Variants in ADAM10 observed in about 807,000 individuals in gnomAD.
ADAM10 encodes the protein ADAM metallopeptidase domain 10.
A neutral mutation model predicts 90.1 loss-of-function variants in ADAM10; 17 were observed. The observed-to-expected ratio is 0.19, with a 90% CI of 0.13 to 0.28. The LOEUF is 0.28. Among genes scored for constraint, ADAM10 ranks in the 10% least tolerant of loss-of-function variants. The pLI is 1.00. For synonymous variants in ADAM10, 310 were observed against 298.6 expected (o/e 1.04, Z -0.40); for missense variants, 610 against 914.3 (o/e 0.67, Z 4.29).
chr15:58,655,696 GTATATATATATATAGTATATATATA>G lies in ADAM10; in HGVS notation c.585+9376_585+9400del, dbSNP rs1316694469. Among the ~76,000 whole-genome samples, 95 of 68,256 alleles carry G rather than the reference GTATATATATATATAGTATATATATA, an allele frequency of 1.4e-3. 5 individuals are homozygous for G. The highest frequency in any genetic ancestry group is 6.7e-3 in the African/African-American group (84 of 12,612). The allele number at this position is 68,256 out of a possible 152,430, so 44.8% of individuals were successfully genotyped here. ...TACATACATATATATATTATATATA[GTATATATATATATAGTATATATATA>G]TATATATATATATATATATTCTTTT... On this transcript the variant is annotated intron_variant, in intron 5 of 15. Transcript: ENST00000260408.
At chr15:58,643,861 G>T in intron 7 of ADAM10, 25 bp downstream of exon 7, 1 of 1,535,868 alleles carries the variant, frequency 6.5e-7, no homozygotes, top group Non-Finnish European at 9.0e-7. Context: ...CTTTTTAAGT[G>T]TTTTTAACTA....
At position 58,633,092 on chromosome 15, in the gene ADAM10, C is replaced by T. The variant is rs1013765870; in HGVS notation, c.1176+104G>A. ...ACTGTGCTCTGACATAAAAACTAAA[C>T]ACTCGTAAGTACATTTGTTTTCACG... On this transcript the variant is annotated intron_variant, in intron 9 of 15. Coordinates refer to ENST00000260408, the MANE Select transcript of ADAM10 (RefSeq NM_001110.4). The T allele has an allele frequency of 1.3e-5, 14 of 1,112,092 alleles. No homozygotes were observed. The Middle Eastern group carries it at 9.3e-4, about 74-fold the overall frequency. The allele number at this position is 1,112,092 out of a possible 1,614,324, so 68.9% of individuals were successfully genotyped here. A position where few individuals can be genotyped will look rare whatever the true frequency, so the allele number is the denominator to read the frequency against.
rs1479474858 is a variant in ADAM10 at position 58,682,292 on chromosome 15, T to C, written c.229A>G (p.Arg77Gly). The part of the protein sequence containing the change: ...HGRHFNLRMK[R>G]DTSLFSDEFK... The stretch of plus-strand genomic sequence containing the variant: ...TCATCACTGAAAAGGGAAGTGTCCC[T>C]CTTCATTCGTAGGTTGAAATGTCTG... Residue 77 changes from arginine (R) to glycine (G), a missense_variant, in exon 3 of 16, where the codon AGG (arginine) becomes GGG (glycine). Arg to Gly is a moderately radical substitution (Grantham distance 125, BLOSUM62 -2). Around this residue, in one of 4 missense-constraint regions of ADAM10, gnomAD observed 310 missense variants for 362.4 expected, o/e 0.86. Coordinates refer to ENST00000260408, the MANE Select transcript of ADAM10 (RefSeq NM_001110.4). 1 of 1,612,910 alleles carries C rather than the reference T, an allele frequency of 6.2e-7. No individual in the cohort carries two copies. The highest frequency in any genetic ancestry group is 1.1e-5 in the South Asian group (1 of 90,868).
chr15:58,731,733 AGTG>A (rs1306001007), intron 1 of ADAM10, among the ~76,000 whole-genome samples: 2 of 152,226 alleles, frequency 1.3e-5, no homozygotes, highest in African/African-American at 4.8e-5. Flanking sequence ...ACTGGTATGG[AGTG>A]GAGGATGAAC....
At chr15:58,620,830 G>A (rs1364537017) in intron 11 of ADAM10, among the ~76,000 whole-genome samples, 1 of 85,562 alleles carries the variant, frequency 1.2e-5, no homozygotes, top group Non-Finnish European at 1.9e-5. Flanking sequence ...CACCGCGCCC[G>A]GCTAATTTTT....
At chr15:58,746,241 CA>C (rs1184852744) in intron 1 of ADAM10, among the ~76,000 whole-genome samples, 2 of 152,180 alleles carry the variant, frequency 1.3e-5, no homozygotes, top group African/African-American at 4.8e-5. Context: ...ACTCCTAACA[CA>C]GTATTAGACA....
intron 11 of ADAM10, among the ~76,000 whole-genome samples, chr15:58,612,871 AT>A (rs1438686014): frequency 6.6e-6 from 1 of 152,150 alleles, no homozygotes; most frequent in African/African-American, 2.4e-5. Context: ...CCTACATTCA[AT>A]CTTGCCAGAC....
intron 10 of ADAM10, among the ~76,000 whole-genome samples, chr15:58,626,037 G>A (rs185399171): frequency 6.6e-5 from 10 of 152,172 alleles, no homozygotes; most frequent in African/African-American, 2.2e-4. Context: ...AAACAATGAG[G>A]GATCCTTGTA....
chr15:58,604,487 T>C (rs1179125166), intron 14 of ADAM10, among the ~76,000 whole-genome samples: 1 of 152,226 alleles, frequency 6.6e-6, no homozygotes, highest in Non-Finnish European at 1.5e-5. Context: ...CTGTCTTCTC[T>C]ATCCCAAACT....
intron 5 of ADAM10, among the ~76,000 whole-genome samples, chr15:58,656,828 C>T (rs1186629786): frequency 6.6e-6 from 1 of 152,146 alleles, no homozygotes; most frequent in African/African-American, 2.4e-5. Flanking sequence ...CATTCACATC[C>T]TTTTCTTTCT....
At chr15:58,748,048 G>C (rs569526896) in intron 1 of ADAM10, 46 of 152,272 alleles carry the variant, frequency 3.0e-4, no homozygotes, top group African/African-American at 1.0e-3. Flanking sequence ...CTCTAACAGA[G>C]AGTCTCCCGC....
chr15:58,616,502 T>C (rs554959583), intron 11 of ADAM10, among the ~76,000 whole-genome samples: 3 of 152,106 alleles, frequency 2.0e-5, no homozygotes, highest in Admixed American at 1.3e-4. Flanking sequence ...TACAAACACA[T>C]AAAAATTAAA....
Position 58,635,894 on chromosome 15 carries a change from T to C in ADAM10, c.1013-2535A>G, listed in dbSNP as rs188862460. On this transcript the variant is annotated intron_variant, in intron 8 of 15. Coordinates refer to ENST00000260408, the MANE Select transcript of ADAM10 (RefSeq NM_001110.4). The stretch of plus-strand genomic sequence containing the variant: ...ATTTAAGAGAAGAGTATACATAAAT[T>C]AGAATATACTATTCTGAAATATAGT... 1.1e-4 allele frequency among the ~76,000 whole-genome samples: 17 copies of C among 152,316 alleles called. No homozygotes were observed. The East Asian group carries it at 2.3e-3, about 21-fold the overall frequency.
chr15:58,717,024 A>G (rs1473141336), intron 2 of ADAM10, among the ~76,000 whole-genome samples: 1 of 152,158 alleles, frequency 6.6e-6, no homozygotes, highest in Non-Finnish European at 1.5e-5. Context: ...TGTTGAGAAG[A>G]TTAAACAAGA....
At chr15:58,606,468 G>C (rs1186976227) in intron 14 of ADAM10, among the ~76,000 whole-genome samples, 2 of 152,166 alleles carry the variant, frequency 1.3e-5, no homozygotes, top group Non-Finnish European at 2.9e-5. Flanking sequence ...TATTACATTT[G>C]AGAAATCTGC....
intron 5 of ADAM10, among the ~76,000 whole-genome samples, chr15:58,660,491 TA>T (rs760835553): frequency 1.3e-5 from 2 of 152,000 alleles, no homozygotes; most frequent in African/African-American, 2.4e-5. Context: ...TTTTTTTAAT[TA>T]AAAAAAATTG....
At chr15:58,748,633 G>A (rs758902095) in intron 1 of ADAM10, 13 of 298,218 alleles carry the variant, frequency 4.4e-5, no homozygotes, top group Non-Finnish European at 8.0e-5. Flanking sequence ...CCACCTGAAA[G>A]TTTAACGAAA....
chr15:58,704,808 T>G (rs1183951248), intron 2 of ADAM10, among the ~76,000 whole-genome samples: 2 of 152,194 alleles, frequency 1.3e-5, no homozygotes, highest in African/African-American at 4.8e-5. Flanking sequence ...ACGATGAATA[T>G]TTTAATCAAA....
rs1369136620 is a variant in ADAM10, at chr15:58,643,874, T to TAA, written c.828+10_828+11dup. The TAA allele has an allele frequency of 2.5e-6, 4 of 1,591,334 alleles. No individual in the cohort carries two copies. The African/African-American group carries it at 5.4e-5, about 21-fold the overall frequency. On this transcript the variant is annotated intron_variant, in intron 7 of 15. Transcript: ENST00000260408. Reference sequence around the variant, plus strand: ...CACTTTTTAAGTGTTTTTAACTATTTAAGTTCCTTACTCTTATGCGTTTCA... The same window carrying TAA: ...CACTTTTTAAGTGTTTTTAACTATTTAAAAGTTCCTTACTCTTATGCGTTTCA...
Sources: allele counts gnomAD v4.1 joint callset (sites outside exome capture counted in the v4.1 genomes callset), GRCh38; gene constraint gnomAD v4.1.1; regional missense constraint gnomAD v4.1.1; transcripts MANE v1.5; gene names NCBI Gene and HGNC (gene_info 2026-07-23, HGNC 2026-07-21).